Variants in FHAD1 observed in about 807,000 individuals in gnomAD.
The protein encoded by FHAD1 is forkhead associated phosphopeptide binding domain 1, also known as forkhead-associated domain-containing protein 1.
Under a neutral mutation model 191.3 loss-of-function variants are expected in FHAD1, and 146 were observed. The ratio of observed to expected loss-of-function variants is 0.76; its 90% confidence interval spans 0.67 to 0.88. The LOEUF (loss-of-function observed/expected upper bound fraction) is 0.88. FHAD1 is among the 40% of genes least tolerant of loss of function. The pLI, the probability that FHAD1 is intolerant of heterozygous loss-of-function variation, is 0.00. For missense variants in FHAD1, 1,635 were observed against 1,785.8 expected (o/e 0.92, Z 1.52); for synonymous variants, 616 against 672.3 (o/e 0.92, Z 1.29).
At chr1:15,282,174 G>C (rs748238633) in intron 3 of FHAD1, among the ~76,000 whole-genome samples, 1 of 152,130 alleles carries the variant, frequency 6.6e-6, no homozygotes, top group Non-Finnish European at 1.5e-5. Context: ...TTTAACTTTG[G>C]CTCTGTTTGC....
chr1:15,288,884 A>G lies in FHAD1; in HGVS notation c.301-515A>G, dbSNP rs551837351. 4.6e-5 allele frequency among the ~76,000 whole-genome samples: 7 copies of G among 152,318 alleles called. No homozygotes were observed. The East Asian group carries it at 1.4e-3, about 29-fold the overall frequency. ...GCCTGGGTAAAGCATGCACTCACTC[A>G]ATGGTGGTGTGATCGTGTGCCGTGT... is the stretch of plus-strand genomic sequence containing the variant. On this transcript the variant is annotated intron_variant, in intron 3 of 33. Transcript: ENST00000688493.
At chr1:15,334,280 C>T (rs1009048442) in intron 14 of FHAD1, 2 of 151,612 alleles carry the variant, frequency 1.3e-5, no homozygotes, top group Non-Finnish European at 2.9e-5. Context: ...ACCCCCACCC[C>T]CTGCACACAT....
At chr1:15,350,359 A>G (rs1690432680) in intron 19 of FHAD1, among the ~76,000 whole-genome samples, 1 of 152,224 alleles carries the variant, frequency 6.6e-6, no homozygotes, top group Admixed American at 6.5e-5. Flanking sequence ...CCGCTCAGGA[A>G]GTGACATTCC....
At chr1:15,284,211 C>T (rs555903925) in intron 3 of FHAD1, among the ~76,000 whole-genome samples, 6 of 152,242 alleles carry the variant, frequency 3.9e-5, no homozygotes, top group South Asian at 2.1e-4. Context: ...CCAGGCACAG[C>T]GGCTCACGCC....
At position 15,317,875 on chromosome 1, in the gene FHAD1, A is replaced by C; in HGVS notation, c.1312A>C (p.Lys438Gln). Reference sequence around the variant, plus strand: ...GAAGAAGCTTAGGGCAGAGCTGAGGAAGAGTTGTACTGAACAAAGCGTGAT... The same window carrying C: ...GAAGAAGCTTAGGGCAGAGCTGAGGCAGAGTTGTACTGAACAAAGCGTGAT... Reference protein sequence around the residue: ...EMKKLRAELRKSCTEQSVISR... With the variant: ...EMKKLRAELRQSCTEQSVISR... The change falls in exon 10 of 34, where the codon AAG becomes CAG. Residue 438 changes from lysine (K) to glutamine (Q), a missense_variant. Lys to Gln is a moderately conservative substitution (Grantham distance 53, BLOSUM62 1). Transcript: ENST00000688493. 1 of 1,551,782 alleles carries C rather than the reference A, an allele frequency of 6.4e-7. No homozygotes were observed. The highest frequency in any genetic ancestry group is 8.7e-7 in the Non-Finnish European group (1 of 1,147,012).
rs1441845797 is a variant in FHAD1 at position 15,308,642 on chromosome 1, G to C, written c.945G>C (p.Lys315Asn). Residue 315 changes from lysine to asparagine, a missense_variant, in exon 7 of 34, where the codon AAG becomes AAC. Transcript: ENST00000688493. ...GTGCCCTACAGAAAGGCTACAGCAA[G>C]GTGCTGTGCCAGACCCTGTCAGAGC... ...QISALQKGYS[K>N]VLCQTLSERN... The C allele has an allele frequency of 1.3e-6, 2 of 1,551,648 alleles. No individual in the cohort carries two copies. The highest frequency in any genetic ancestry group is 2.7e-5 in the African/African-American group (2 of 73,060).
chr1:15,396,161 A>T (rs1198222607), intron 33 of FHAD1, among the ~76,000 whole-genome samples: 1 of 152,046 alleles, frequency 6.6e-6, no homozygotes, highest in Admixed American at 6.6e-5. Flanking sequence ...AGTAAAATAA[A>T]ATAAAATAAT....
At chr1:15,246,086 T>C (rs1645994347), upstream of FHAD1, among the ~76,000 whole-genome samples, 1 of 152,344 alleles carries the variant, frequency 6.6e-6, no homozygotes, top group Admixed American at 6.5e-5. Flanking sequence ...CTTACAGTTA[T>C]GGCGGAAGGC....
intron 18 of FHAD1, among the ~76,000 whole-genome samples, chr1:15,348,784 G>A (rs993348603): frequency 3.3e-5 from 5 of 152,206 alleles, no homozygotes; most frequent in Admixed American, 6.5e-5. Context: ...CCTCACCACT[G>A]ACAAAGGGTG....
rs71572149 is a variant in FHAD1, at chr1:15,318,993, A to AT, written c.1365+1077dup. Among the ~76,000 whole-genome samples the AT allele has an allele frequency of 4.8e-3, 707 of 148,292 alleles. 4 individuals carry two copies. The highest frequency in any genetic ancestry group is 0.016 in the African/African-American group (658 of 40,692). Reference sequence around the variant, plus strand: ...ATGGTTGTCATTGAGAAAACTAAGAATTTTTTTTTTTTAATAAATAAAGAC... The same window carrying AT: ...ATGGTTGTCATTGAGAAAACTAAGAATTTTTTTTTTTTTAATAAATAAAGAC... On this transcript the variant is annotated intron_variant, in intron 10 of 33. Transcript: ENST00000688493. This position sits in a 1 kb window ranked among gnomAD's most constrained non-coding sequence, Gnocchi z 4.1.
intron 26 of FHAD1, among the ~76,000 whole-genome samples, chr1:15,373,079 G>T (rs966065530): frequency 6.6e-6 from 1 of 152,200 alleles, no homozygotes; most frequent in African/African-American, 2.4e-5. Context: ...GCATTGTTTA[G>T]CTCAGAGTTT....
In FHAD1 at chr1:15,325,325, G is replaced by A. The variant is rs1678036072; in HGVS notation, c.1473+766G>A. 1 of 151,932 alleles carries A rather than the reference G, an allele frequency of 6.6e-6. No individual in the cohort carries two copies. Among genetic ancestry groups the A allele is most frequent in the Admixed American group, 6.5e-5 (1 of 15,270 alleles). The allele number at this position is 151,932 out of a possible 1,614,324, so 9.4% of individuals were successfully genotyped here. A position where few individuals can be genotyped will look rare whatever the true frequency, so the allele number is the denominator to read the frequency against. ...CAGAATGGTTTGCACACACACGTGT[G>A]TGTGCGTGTGTGTGTGTGTATTACT... On this transcript the variant is annotated intron_variant, in intron 11 of 33. Transcript: ENST00000688493. This position sits in a 1 kb window ranked among gnomAD's most constrained non-coding sequence, Gnocchi z 4.6.
intron 8 of FHAD1, among the ~76,000 whole-genome samples, chr1:15,315,663 T>C (rs950595813): frequency 1.3e-5 from 2 of 152,054 alleles, no homozygotes; most frequent in Non-Finnish European, 2.9e-5. Flanking sequence ...TTTTTTTGTA[T>C]TTTTAGTAGA....
At chr1:15,241,209 C>T (rs1310904241) in intron 1 of FHAD1, among the ~76,000 whole-genome samples, 4 of 152,070 alleles carry the variant, frequency 2.6e-5, no homozygotes, top group African/African-American at 4.8e-5. Context: ...CAATGGAATA[C>T]GACAGAGCAA....
At chr1:15,344,919 C>T (rs1220974463) in intron 16 of FHAD1, among the ~76,000 whole-genome samples, 164 bp from the exon 17 acceptor site, 1 of 152,286 alleles carries the variant, frequency 6.6e-6, no homozygotes, top group Non-Finnish European at 1.5e-5. Context: ...TACCCTGGGT[C>T]TCCTGACTCC....
At position 15,289,638 on chromosome 1, in the gene FHAD1, C is replaced by T. The variant is rs761811012; in HGVS notation, c.540C>T (p.Asp180=). The T allele has an allele frequency of 1.9e-5, 29 of 1,550,172 alleles. No individual in the cohort carries two copies. The highest frequency in any genetic ancestry group is 1.7e-4 in the Middle Eastern group (1 of 6,012). ...AGATGTTCTCGTTCGTGGTGGACGA[C>T]GCCCGCAAGCCACCCGTCATCAAGC... ...NKEMFSFVVD[D]ARKPPVIKQV... is the part of the protein sequence containing the mutation. Residue 180 remains aspartate (D), a synonymous_variant, in exon 4 of 34, where the codon GAC becomes GAT. Coordinates refer to ENST00000688493, the MANE Select transcript of FHAD1 (RefSeq NM_001391957.1). This position sits in a 1 kb window ranked among gnomAD's most constrained non-coding sequence, Gnocchi z 4.2.
intron 3 of FHAD1, among the ~76,000 whole-genome samples, chr1:15,279,418 A>G (rs1659664341): frequency 6.6e-6 from 1 of 151,656 alleles, no homozygotes; most frequent in African/African-American, 2.4e-5. Context: ...TGCTCAAGGG[A>G]TGCTCAGGAA....
downstream of FHAD1, among the ~76,000 whole-genome samples, chr1:15,401,852 A>C (rs1402053754): frequency 2.0e-5 from 3 of 152,194 alleles, no homozygotes; most frequent in Non-Finnish European, 4.4e-5. Context: ...CGTCAGGTGC[A>C]CTGCTTGCAT....
At chr1:15,296,910 C>A in intron 5 of FHAD1, 117 bp downstream of exon 5, 1 of 708,720 alleles carries the variant, frequency 1.4e-6, no homozygotes, top group Non-Finnish European at 2.3e-6. Context: ...CAAGAAACCA[C>A]CTCTTACTCC....
Sources: gnomAD v4.1 joint callset for allele counts (sites outside exome capture counted in the v4.1 genomes callset) on GRCh38, gnomAD v4.1.1 for gene constraint, Gnocchi (gnomAD v3.1) non-coding constraint, MANE v1.5 for transcripts, NCBI Gene and HGNC (gene_info 2026-07-23, HGNC 2026-07-21) for gene names.